SLC25A24: variants seen among roughly 807,000 people sequenced by gnomAD.
The protein encoded by SLC25A24 is mitochondrial adenyl nucleotide antiporter SLC25A24.
SLC25A24 carries 49 observed loss-of-function variants against 60.7 expected under a neutral mutation model. The ratio of observed to expected loss-of-function variants is 0.81; its 90% confidence interval spans 0.64 to 1.02. The LOEUF (loss-of-function observed/expected upper bound fraction) is 1.02. Among genes scored for constraint, SLC25A24 ranks in the 50% least tolerant of loss-of-function variants. The probability of loss-of-function intolerance (pLI) is 0.00; values close to 1 mark genes in which losing one functional copy is unlikely to be tolerated. For synonymous variants in SLC25A24, 202 were observed against 200.6 expected (o/e 1.01, Z -0.06); for missense variants, 564 against 586.3 (o/e 0.96, Z 0.39).
At chr1:108,184,783 C>G (rs1648061060) in intron 2 of SLC25A24, among the ~76,000 whole-genome samples, 1 of 152,166 alleles carries the variant, frequency 6.6e-6, no homozygotes, top group Non-Finnish European at 1.5e-5. Flanking sequence ...TATTTATTAT[C>G]TGGACTTCTG....
chr1:108,194,285 T>C (rs1275220353), intron 1 of SLC25A24, among the ~76,000 whole-genome samples: 2 of 138,088 alleles, frequency 1.4e-5, no homozygotes, highest in Non-Finnish European at 3.2e-5. Context: ...GTGGCAAATG[T>C]CTAATGCTGT....
At chr1:108,173,238 T>C (rs1469436705) in intron 3 of SLC25A24, among the ~76,000 whole-genome samples, 1 of 152,150 alleles carries the variant, frequency 6.6e-6, no homozygotes, top group Non-Finnish European at 1.5e-5. Context: ...TCCCATAATT[T>C]CCATGTGTCA....
rs150790173 is a variant in SLC25A24 at position 108,165,381 on chromosome 1, T to C, written c.399-4088A>G. ...TTCTGTCTCATTGGTCTGTCTAATG[T>C]TGACAGTGGGGTGTGAAAGTCTCCC... On this transcript the variant is annotated intron_variant, in intron 3 of 9. Coordinates refer to ENST00000565488, the MANE Select transcript of SLC25A24 (RefSeq NM_013386.5). Among the ~76,000 whole-genome samples the C allele has an allele frequency of 4.3e-3, 660 of 151,970 alleles. 4 individuals are homozygous for C. Among genetic ancestry groups the C allele is most frequent in the African/African-American group, 0.015 (612 of 41,420 alleles).
At chr1:108,176,166 TA>T (rs1383471047) in intron 3 of SLC25A24, among the ~76,000 whole-genome samples, 5 of 151,288 alleles carry the variant, frequency 3.3e-5, no homozygotes, top group African/African-American at 1.2e-4. Context: ...AGAAAGGTAA[TA>T]AAGAGATGAA....
chr1:108,178,225 G>GGA (rs1265522182), intron 3 of SLC25A24, among the ~76,000 whole-genome samples: 1 of 152,056 alleles, frequency 6.6e-6, no homozygotes, highest in African/African-American at 2.4e-5. Context: ...ACGTCTGAAA[G>GGA]GAGAGAGAGA....
chr1:108,196,019 C>G (rs1422336499), intron 1 of SLC25A24, among the ~76,000 whole-genome samples: 2 of 146,866 alleles, frequency 1.4e-5, no homozygotes, highest in African/African-American at 5.1e-5. Flanking sequence ...AAAAAAAAAG[C>G]AATATTAATG....
chr1:108,192,523 C>T, intron 1 of SLC25A24: 1 of 1,497,422 alleles, frequency 6.7e-7, no homozygotes, highest in Non-Finnish European at 9.0e-7. Flanking sequence ...ATTGAATGGC[C>T]CCTACATCCT....
At chr1:108,187,072 T>C (rs1445813502) in intron 1 of SLC25A24, among the ~76,000 whole-genome samples, 2 of 96,982 alleles carry the variant, frequency 2.1e-5, no homozygotes, top group Non-Finnish European at 4.2e-5. Flanking sequence ...AGTGAAACTC[T>C]ATCTCAAAAA....
At chr1:108,189,886 T>C (rs2152562) in intron 1 of SLC25A24, among the ~76,000 whole-genome samples, 39,454 of 147,586 alleles carry the variant, frequency 0.27, 6,085 homozygotes, top group South Asian at 0.48. Flanking sequence ...TATATATATG[T>C]ATATATAGAG....
chr1:108,161,028 A>G (rs1183432380), intron 4 of SLC25A24, among the ~76,000 whole-genome samples, 154 bp downstream of exon 4: 4 of 152,030 alleles, frequency 2.6e-5, no homozygotes, highest in South Asian at 2.1e-4. Flanking sequence ...TACTCTATAA[A>G]TCTATGCCTA....
chr1:108,148,935 T>G (rs1679681342), intron 6 of SLC25A24, among the ~76,000 whole-genome samples: 1 of 152,226 alleles, frequency 6.6e-6, no homozygotes, highest in Non-Finnish European at 1.5e-5. Flanking sequence ...ACGCAGTGAC[T>G]GGACAGTGGT....
intron 8 of SLC25A24, among the ~76,000 whole-genome samples, chr1:108,140,345 A>T (rs1299680427): frequency 6.6e-6 from 1 of 152,186 alleles, no homozygotes; most frequent in African/African-American, 2.4e-5. Flanking sequence ...GTCCCTGACA[A>T]ACAAAAGCTG....
At chr1:108,138,258 A>G (rs1366999140) in intron 9 of SLC25A24, among the ~76,000 whole-genome samples, 1 of 152,170 alleles carries the variant, frequency 6.6e-6, no homozygotes, top group Admixed American at 6.5e-5. Context: ...GAATGGGACA[A>G]TGGCTCAGGG....
chr1:108,181,876 AAC>A (rs1647941752), intron 3 of SLC25A24, 63 bp downstream of exon 3: 2 of 1,188,264 alleles, frequency 1.7e-6, no homozygotes, highest in Non-Finnish European at 2.5e-6. Context: ...CACACTTACA[AAC>A]ACAGAGTTCT....
At chr1:108,160,567 CA>C (rs1680041492) in intron 4 of SLC25A24, among the ~76,000 whole-genome samples, 2 of 152,196 alleles carry the variant, frequency 1.3e-5, no homozygotes, top group African/African-American at 4.8e-5. Context: ...GCAGAGGCTG[CA>C]ATCTTGGCAC....
intron 1 of SLC25A24, chr1:108,198,467 G>A (rs1648563740): frequency 6.6e-6 from 1 of 152,206 alleles, no homozygotes; most frequent in African/African-American, 2.4e-5. Flanking sequence ...GGACCAGAAT[G>A]AGAAAATGAA....
rs573346480 is a variant in SLC25A24 at position 108,134,396 on chromosome 1, A to G, written c.*2257T>C. 2 of 152,308 alleles carry G rather than the reference A, an allele frequency of 1.3e-5. No individual in the cohort carries two copies. The highest frequency in any genetic ancestry group is 3.9e-4 in the East Asian group (2 of 5,178). 9.4% of individuals were successfully genotyped at this position (152,308 alleles called of 1,614,324 possible). A position where few individuals can be genotyped will look rare whatever the true frequency, so the allele number is the denominator to read the frequency against. On this transcript the variant is annotated 3_prime_UTR_variant, in exon 10 of 10. Coordinates refer to ENST00000565488, the MANE Select transcript of SLC25A24 (RefSeq NM_013386.5). ...TTTTGGATGTAATCTGCATTATGAA[A>G]TTTTAAAAAATTACTTACCAGTGAA...
At chr1:108,142,112 T>A (rs973266757) in intron 8 of SLC25A24, among the ~76,000 whole-genome samples, 46 of 152,178 alleles carry the variant, frequency 3.0e-4, no homozygotes, top group Non-Finnish European at 6.3e-4. Flanking sequence ...TAAGCTTTTT[T>A]AAAATGGAAA....
At position 108,187,927 on chromosome 1, in the gene SLC25A24, G is replaced by GATAGATAGATAGATAGATATATATATAT; in HGVS notation, c.184-1974_184-1973insATATATATATATCTATCTATCTATCTAT. 2.3e-4 allele frequency among the ~76,000 whole-genome samples: 22 copies of GATAGATAGATAGATAGATATATATATAT among 95,774 alleles called. 2 individuals are homozygous for GATAGATAGATAGATAGATATATATATAT. The highest frequency in any genetic ancestry group is 4.2e-4 in the Non-Finnish European group (20 of 48,144). The allele number at this position is 95,774 out of a possible 152,430, so 62.8% of individuals were successfully genotyped here. ...TACACGAAATGGATAAGACATTATA[G>GATAGATAGATAGATAGATATATATATAT]ATATATATATATATATATTCATGCA... On this transcript the variant is annotated intron_variant, in intron 1 of 9. Transcript: ENST00000565488.
Sources: gnomAD v4.1 joint callset for allele counts (sites outside exome capture counted in the v4.1 genomes callset) on GRCh38, gnomAD v4.1.1 for gene constraint, MANE v1.5 for transcripts, NCBI Gene and HGNC (gene_info 2026-07-23, HGNC 2026-07-21) for gene names.